The following HNF1B variants were observed in gnomAD, a reference collection of about 807,000 sequenced individuals.
HNF1B encodes the protein hepatocyte nuclear factor 1-beta.
Under a neutral mutation model 61.7 loss-of-function variants are expected in HNF1B, and 8 were observed. The observed-to-expected ratio is 0.13, with a 90% CI of 0.08 to 0.23. HNF1B has a LOEUF of 0.23. Among genes scored for constraint, HNF1B ranks in the 10% least tolerant of loss-of-function variants. The pLI is 1.00. For missense variants in HNF1B, 562 were observed against 714.5 expected (o/e 0.79, Z 2.43); for synonymous variants, 314 against 287.7 (o/e 1.09, Z -0.93).
intron 4 of HNF1B, among the ~76,000 whole-genome samples, chr17:37,717,303 G>GT (rs1231930428): frequency 6.6e-6 from 1 of 152,158 alleles, no homozygotes; most frequent in Non-Finnish European, 1.5e-5. Flanking sequence ...CTCTGCCAGC[G>GT]TAAGTGAGCG....
At chr17:37,693,043 A>C (rs1259937159) in intron 8 of HNF1B, among the ~76,000 whole-genome samples, 1 of 151,952 alleles carries the variant, frequency 6.6e-6, no homozygotes, top group Non-Finnish European at 1.5e-5. Context: ...ACAAAAAATT[A>C]GCCAGGTGTG....
At chr17:37,742,459 G>A (rs1470913580) in intron 1 of HNF1B, among the ~76,000 whole-genome samples, 1 of 152,214 alleles carries the variant, frequency 6.6e-6, no homozygotes, top group African/African-American at 2.4e-5. Context: ...GGCAAAAGAA[G>A]GGAGTGCGTG....
intron 3 of HNF1B, among the ~76,000 whole-genome samples, chr17:37,732,337 G>A (rs995356548): frequency 2.0e-5 from 3 of 152,174 alleles, no homozygotes; most frequent in African/African-American, 7.2e-5. Flanking sequence ...TACAAAGCAG[G>A]GTGCATTGAG....
chr17:37,690,790 G>GT (rs1281641981), intron 8 of HNF1B, among the ~76,000 whole-genome samples: 1 of 152,218 alleles, frequency 6.6e-6, no homozygotes, highest in African/African-American at 2.4e-5. Context: ...GAATTCAAGA[G>GT]GCTTATTAGA....
chr17:37,709,038 C>A (rs1028860200), intron 5 of HNF1B, among the ~76,000 whole-genome samples: 1 of 152,088 alleles, frequency 6.6e-6, no homozygotes, highest in Non-Finnish European at 1.5e-5. Flanking sequence ...GGAATGTGTG[C>A]AGCTCCACCT....
At position 37,705,674 on chromosome 17, in the gene HNF1B, C is replaced by T. The variant is rs536461572; in HGVS notation, c.1207-625G>A. Among the ~76,000 whole-genome samples, 15 of 152,244 alleles carry T rather than the reference C, an allele frequency of 9.9e-5. No homozygotes were observed. The East Asian group carries it at 2.9e-3, about 29-fold the overall frequency. On this transcript the variant is annotated intron_variant, in intron 5 of 8. Transcript: ENST00000617811. The stretch of plus-strand genomic sequence containing the variant: ...CTGAATCCTACTAGTGTCTTTTCCT[C>T]ATTGATTTTTTTCCAAGTATGTAAT...
At chr17:37,706,767 T>C (rs1419378328) in intron 5 of HNF1B, among the ~76,000 whole-genome samples, 1 of 151,546 alleles carries the variant, frequency 6.6e-6, no homozygotes. Flanking sequence ...CAAGTGACAG[T>C]AATTTCTCTG....
intron 4 of HNF1B, among the ~76,000 whole-genome samples, chr17:37,719,115 ATT>A (rs2033220596): frequency 0.088 from 480 of 5,464 alleles, 2 homozygotes; most frequent in African/African-American, 0.39. Context: ...ATTTATTAAT[ATT>A]ATTATTATTA....
intron 4 of HNF1B, among the ~76,000 whole-genome samples, chr17:37,725,828 T>G (rs1290984455): frequency 6.6e-6 from 1 of 152,184 alleles, no homozygotes; most frequent in Non-Finnish European, 1.5e-5. Flanking sequence ...TGAGCTGAGG[T>G]GCTTGCACTG....
chr17:37,692,343 G>A (rs2032232799), intron 8 of HNF1B, among the ~76,000 whole-genome samples: 1 of 152,234 alleles, frequency 6.6e-6, no homozygotes, highest in South Asian at 2.1e-4. Flanking sequence ...GTGCTTAAAA[G>A]TGGATATTGG....
chr17:37,701,757 G>T (rs1287999321), intron 6 of HNF1B, among the ~76,000 whole-genome samples: 1 of 152,198 alleles, frequency 6.6e-6, no homozygotes, highest in Non-Finnish European at 1.5e-5. Context: ...TAACAGAGAG[G>T]GGAGAAAACA....
intron 4 of HNF1B, among the ~76,000 whole-genome samples, chr17:37,727,293 G>C (rs1343968820): frequency 6.6e-6 from 1 of 152,120 alleles, no homozygotes; most frequent in Non-Finnish European, 1.5e-5. Context: ...CTATAACCAG[G>C]GACAGCTCCT....
intron 8 of HNF1B, 118 bp downstream of exon 8, chr17:37,698,958 G>A (rs2032473158): frequency 1.2e-6 from 1 of 826,696 alleles, no homozygotes; most frequent in African/African-American, 1.7e-5. Flanking sequence ...GCAAACAACA[G>A]GGAGCCTCAG....
At chr17:37,731,853 T>G (rs1390022300) in intron 3 of HNF1B, 23 bp from the exon 4 acceptor site, 1,014 of 1,003,478 alleles carry the variant, frequency 1.0e-3, no homozygotes, top group East Asian at 3.2e-3. Context: ...GGAGGGGAGA[T>G]GGTGAGTGAG....
chr17:37,743,592 G>C (rs1193808353), intron 1 of HNF1B, among the ~76,000 whole-genome samples: 1 of 152,256 alleles, frequency 6.6e-6, no homozygotes, highest in Non-Finnish European at 1.5e-5. Flanking sequence ...AGTGTCCGAA[G>C]CCACGCGATG....
chr17:37,702,378 C>G (rs568618814), intron 6 of HNF1B, among the ~76,000 whole-genome samples: 26 of 152,258 alleles, frequency 1.7e-4, no homozygotes, highest in Middle Eastern at 3.4e-3. Context: ...GCAGAAAGGA[C>G]AGGGGATGAA....
chr17:37,728,243 C>G (rs1180645775), intron 4 of HNF1B, among the ~76,000 whole-genome samples: 1 of 151,840 alleles, frequency 6.6e-6, no homozygotes, highest in Non-Finnish European at 1.5e-5. Context: ...CTCAAGTGAT[C>G]TGCCTGCCTT....
intron 5 of HNF1B, among the ~76,000 whole-genome samples, chr17:37,705,626 T>G (rs7207680): frequency 0.027 from 4,182 of 152,318 alleles, 203 homozygotes; most frequent in African/African-American, 0.094. Context: ...TTTGGTGTAT[T>G]TACTTTGTAC....
intron 4 of HNF1B, among the ~76,000 whole-genome samples, chr17:37,712,559 C>CTCAA (rs1555824126): frequency 1.3e-5 from 2 of 152,122 alleles, no homozygotes; most frequent in East Asian, 3.8e-4. Context: ...GAAGGCAGAG[C>CTCAA]TAGGTTCAAT....
Sources: allele counts gnomAD v4.1 joint callset (sites outside exome capture counted in the v4.1 genomes callset), GRCh38; gene constraint gnomAD v4.1.1; transcripts MANE v1.5; gene names NCBI Gene and HGNC (gene_info 2026-07-23, HGNC 2026-07-21).